Variants in PDE3A observed in about 807,000 individuals in gnomAD.
PDE3A encodes the protein phosphodiesterase 3A, also known as cGMP-inhibited 3',5'-cyclic phosphodiesterase 3A.
Under a neutral mutation model 98.3 loss-of-function variants are expected in PDE3A, and 43 were observed. The ratio of observed to expected loss-of-function variants is 0.44; its 90% CI spans 0.34 to 0.56. PDE3A has a LOEUF of 0.56. Among genes scored for constraint, PDE3A ranks in the 20% least tolerant of loss-of-function variants. The pLI is 0.01. For missense variants in PDE3A, 1,427 were observed against 1,440.7 expected (o/e 0.99, Z 0.15); for synonymous variants, 663 against 567.9 (o/e 1.17, Z -2.38).
In PDE3A at chr12:20,489,226, C is replaced by T. The variant is rs138053025; in HGVS notation, c.961-67434C>T. Among the ~76,000 whole-genome samples, 838 of 152,204 alleles carry T rather than the reference C, an allele frequency of 5.5e-3. 2 individuals are homozygous for T. The highest frequency in any genetic ancestry group is 9.0e-3 in the Non-Finnish European group (612 of 68,020). On this transcript the variant is annotated intron_variant, in intron 1 of 15. Transcript: ENST00000359062. Reference sequence around the variant, plus strand: ...TTCGTATTTTATTTTCATTTGCGTGCATGGACAAGAGAATGGATGCATTCA... The same window carrying T: ...TTCGTATTTTATTTTCATTTGCGTGTATGGACAAGAGAATGGATGCATTCA...
chr12:20,625,591 G>A (rs1308773596), intron 5 of PDE3A, among the ~76,000 whole-genome samples: 1 of 152,172 alleles, frequency 6.6e-6, no homozygotes, highest in Non-Finnish European at 1.5e-5. Flanking sequence ...AAAAAGAGAT[G>A]TCTTTATCAG....
At chr12:20,594,829 AT>A (rs1186376668) in intron 2 of PDE3A, among the ~76,000 whole-genome samples, 2 of 151,940 alleles carry the variant, frequency 1.3e-5, no homozygotes, top group African/African-American at 4.8e-5. Flanking sequence ...AGGTAATCAT[AT>A]TTTTTTATTG....
At chr12:20,585,218 T>C (rs969792249) in intron 2 of PDE3A, among the ~76,000 whole-genome samples, 1 of 152,182 alleles carries the variant, frequency 6.6e-6, no homozygotes, top group Non-Finnish European at 1.5e-5. Flanking sequence ...AGAGAAGACA[T>C]TGCCTCTAAA....
At chr12:20,447,636 C>T (rs1944979212) in intron 1 of PDE3A, among the ~76,000 whole-genome samples, 1 of 152,202 alleles carries the variant, frequency 6.6e-6, no homozygotes, top group Non-Finnish European at 1.5e-5. Flanking sequence ...ACCCCTTCTC[C>T]TATACTTCAC....
intron 1 of PDE3A, among the ~76,000 whole-genome samples, chr12:20,515,906 G>A (rs996668085): frequency 1.3e-5 from 2 of 149,918 alleles, no homozygotes; most frequent in African/African-American, 2.5e-5. Flanking sequence ...CTAATTTTTT[G>A]TATTTTTAGT....
At chr12:20,600,126 A>G (rs947018878) in intron 2 of PDE3A, among the ~76,000 whole-genome samples, 1 of 152,148 alleles carries the variant, frequency 6.6e-6, no homozygotes, top group Admixed American at 6.5e-5. Flanking sequence ...TAGCCTCAGT[A>G]TACTCCTTTC....
intron 2 of PDE3A, among the ~76,000 whole-genome samples, chr12:20,577,558 C>A (rs1246790130): frequency 6.6e-6 from 1 of 152,168 alleles, no homozygotes; most frequent in Non-Finnish European, 1.5e-5. Context: ...ACCAGGAGAC[C>A]TGAACTCAGA....
rs1251431245 is a variant in PDE3A at position 20,552,506 on chromosome 12, A to T, written c.961-4154A>T. The T allele has an allele frequency of 1.2e-6, 2 of 1,613,080 alleles. No homozygotes were observed. Among genetic ancestry groups the T allele is most frequent in the Non-Finnish European group, 1.7e-6 (2 of 1,179,606 alleles). On this transcript the variant is annotated intron_variant, in intron 1 of 15. Transcript: ENST00000359062. This position sits in a 1 kb window ranked among gnomAD's most constrained non-coding sequence, Gnocchi z 5.1. ...CGAGAGCGAGAGAAGGAGAACAGCA[A>T]GAGGGAGGAGGAGGAGCAGCAGGAG...
chr12:20,541,096 TTTTTTTTTTTTTTTTTTTG>T (rs1941894196), intron 1 of PDE3A, among the ~76,000 whole-genome samples: 1 of 114,904 alleles, frequency 8.7e-6, no homozygotes, highest in Admixed American at 9.3e-5. Flanking sequence ...TTTTTTTTTT[TTTTTTTTTTTTTTTTTTTG>T]AGACAGGGTC....
chr12:20,522,052 G>A (rs1946439381), intron 1 of PDE3A, among the ~76,000 whole-genome samples: 1 of 152,122 alleles, frequency 6.6e-6, no homozygotes, highest in Non-Finnish European at 1.5e-5. Context: ...TGGGGTTTCA[G>A]ATGTTCCTCA....
chr12:20,493,774 G>A (rs1167102812), intron 1 of PDE3A, among the ~76,000 whole-genome samples: 3 of 152,146 alleles, frequency 2.0e-5, no homozygotes, highest in Non-Finnish European at 4.4e-5. Context: ...GGGACTACAG[G>A]CATGCGCCAC....
chr12:20,535,927 C>CT (rs1941737402), intron 1 of PDE3A, among the ~76,000 whole-genome samples: 1 of 152,066 alleles, frequency 6.6e-6, no homozygotes, highest in South Asian at 2.1e-4. Context: ...ATGAAAGCTA[C>CT]TAGGTGAACT....
At chr12:20,487,745 T>G (rs1257197274) in intron 1 of PDE3A, among the ~76,000 whole-genome samples, 1 of 152,106 alleles carries the variant, frequency 6.6e-6, no homozygotes, top group East Asian at 1.9e-4. Flanking sequence ...ATTTCTATTT[T>G]TGTTATTTTT....
intron 2 of PDE3A, among the ~76,000 whole-genome samples, chr12:20,560,237 T>C (rs11045309): frequency 0.032 from 4,887 of 152,218 alleles, 243 homozygotes; most frequent in African/African-American, 0.11. Context: ...TAGATAGGCT[T>C]CCAGAAAAAT....
In PDE3A at chr12:20,579,560, G is replaced by A. The variant is rs576486155; in HGVS notation, c.1011+22850G>A. 2.4e-4 allele frequency among the ~76,000 whole-genome samples: 37 copies of A among 152,066 alleles called. No individual in the cohort carries two copies. The South Asian group carries it at 6.2e-3, about 26-fold the overall frequency. Reference sequence around the variant, plus strand: ...TCCATTAGGTCCTTCATCTACCTTCGAAATATTGCAGACAGCAGTGTTACC... The same window carrying A: ...TCCATTAGGTCCTTCATCTACCTTCAAAATATTGCAGACAGCAGTGTTACC... On this transcript the variant is annotated intron_variant, in intron 2 of 15. Transcript: ENST00000359062.
chr12:20,655,286 G>T (rs1165173201), intron 15 of PDE3A, among the ~76,000 whole-genome samples: 1 of 152,176 alleles, frequency 6.6e-6, no homozygotes, highest in Admixed American at 6.5e-5. Context: ...GAAAAGACCT[G>T]CAAGAAGCAA....
chr12:20,539,889 G>T (rs904539741), intron 1 of PDE3A, among the ~76,000 whole-genome samples: 3 of 94,382 alleles, frequency 3.2e-5, no homozygotes, highest in African/African-American at 1.2e-4. Flanking sequence ...ATTACGTGAA[G>T]TAGGTAGTCT....
At chr12:20,555,115 C>A (rs1340749924) in intron 1 of PDE3A, among the ~76,000 whole-genome samples, 1 of 151,230 alleles carries the variant, frequency 6.6e-6, no homozygotes, top group African/African-American at 2.4e-5. Flanking sequence ...CCTCTGCCTC[C>A]CAGGTTCAAG....
intron 2 of PDE3A, among the ~76,000 whole-genome samples, chr12:20,564,586 G>GA (rs991859811): frequency 3.4e-4 from 52 of 152,222 alleles, no homozygotes; most frequent in African/African-American, 1.3e-3. Flanking sequence ...CAGGAGGAAA[G>GA]AGAGTTTGGC....
Sources: gnomAD v4.1 joint callset for allele counts (sites outside exome capture counted in the v4.1 genomes callset) on GRCh38, gnomAD v4.1.1 for gene constraint, Gnocchi (gnomAD v3.1) non-coding constraint, MANE v1.5 for transcripts, NCBI Gene and HGNC (gene_info 2026-07-23, HGNC 2026-07-21) for gene names.